CORO2B: variants seen among roughly 807,000 people sequenced by gnomAD.
The protein encoded by CORO2B is coronin-2B.
CORO2B carries 26 observed loss-of-function variants against 58.8 expected under a neutral mutation model. The ratio of observed to expected loss-of-function variants is 0.44; its 90% CI spans 0.32 to 0.61. CORO2B has a LOEUF of 0.61. Ranked by LOEUF, CORO2B falls within the 20% of genes least tolerant of loss-of-function variation. The pLI is 0.04. For synonymous variants in CORO2B, 242 were observed against 253.8 expected (o/e 0.95, Z 0.44); for missense variants, 460 against 645.1 (o/e 0.71, Z 3.11).
At chr15:68,570,038 G>T in the CORO2B span, among the ~76,000 whole-genome samples, 1 of 152,208 alleles carries the variant, frequency 6.6e-6, no homozygotes. Context: ...GTACTCTGGT[G>T]GGTCAGCTGG....
At chr15:68,523,590 T>C in the CORO2B span, among the ~76,000 whole-genome samples, 28 of 152,338 alleles carry the variant, frequency 1.8e-4, no homozygotes, top group Non-Finnish European at 3.2e-4. Context: ...CAGCCAAGAA[T>C]TGACAAATAC....
intron 1 of CORO2B, among the ~76,000 whole-genome samples, chr15:68,614,154 C>G (rs1900301899): frequency 1.3e-5 from 2 of 152,344 alleles, no homozygotes; most frequent in South Asian, 4.1e-4. Context: ...ATATATGTCT[C>G]TGTGCCAGGG....
At chr15:68,550,534 C>A in the CORO2B span, among the ~76,000 whole-genome samples, 2 of 152,238 alleles carry the variant, frequency 1.3e-5, no homozygotes, top group Admixed American at 1.3e-4. Context: ...CTCTTATGGT[C>A]GATTGTAAAG....
chr15:68,686,223 A>AC (rs1555416516), intron 2 of CORO2B, among the ~76,000 whole-genome samples: 13 of 151,114 alleles, frequency 8.6e-5, no homozygotes, highest in Admixed American at 5.3e-4. Context: ...TTTGGTAGAG[A>AC]GGGGGTTCTG....
At chr15:68,560,563 T>C in the CORO2B span, among the ~76,000 whole-genome samples, 13 of 152,280 alleles carry the variant, frequency 8.5e-5, no homozygotes, top group Middle Eastern at 3.4e-3. Context: ...TTTCCCAAAG[T>C]GTTAGGATGA....
intron 2 of CORO2B, among the ~76,000 whole-genome samples, chr15:68,683,631 C>T (rs750566966): frequency 2.0e-5 from 3 of 152,168 alleles, no homozygotes; most frequent in Non-Finnish European, 2.9e-5. Flanking sequence ...CCTCACCTTC[C>T]CTCTGCAGTA....
chr15:68,606,148 A>G (rs748085512), intron 1 of CORO2B, among the ~76,000 whole-genome samples: 1 of 152,154 alleles, frequency 6.6e-6, no homozygotes, highest in Non-Finnish European at 1.5e-5. Flanking sequence ...TGTTAGGTCA[A>G]AGGTGACTGC....
intron 8 of CORO2B, among the ~76,000 whole-genome samples, chr15:68,717,435 G>A (rs1893057932): frequency 6.6e-6 from 1 of 152,188 alleles, no homozygotes; most frequent in South Asian, 2.1e-4. Context: ...AATAATAGGT[G>A]GGGAGAAGGA....
intron 2 of CORO2B, among the ~76,000 whole-genome samples, chr15:68,669,745 G>A (rs774815181): frequency 6.6e-6 from 1 of 152,066 alleles, no homozygotes; most frequent in Non-Finnish European, 1.5e-5. Context: ...TTTTCTTGGA[G>A]AAATAAACCA....
At chr15:68,681,776 C>T (rs1026453866) in intron 2 of CORO2B, among the ~76,000 whole-genome samples, 1 of 152,156 alleles carries the variant, frequency 6.6e-6, no homozygotes, top group African/African-American at 2.4e-5. Flanking sequence ...GCCCAAATCT[C>T]TGTCTCTAGG....
chr15:68,533,261 T>C, the CORO2B span, among the ~76,000 whole-genome samples: 1 of 152,344 alleles, frequency 6.6e-6, no homozygotes, highest in African/African-American at 2.4e-5. Flanking sequence ...TATATTTCAA[T>C]CTGTTTGCTA....
intron 2 of CORO2B, among the ~76,000 whole-genome samples, chr15:68,680,498 C>T (rs1165339769): frequency 1.3e-5 from 2 of 152,258 alleles, no homozygotes; most frequent in African/African-American, 4.8e-5. Flanking sequence ...AAATGGTACC[C>T]CCTTGAGTTG....
the CORO2B span, among the ~76,000 whole-genome samples, chr15:68,554,358 G>C: frequency 6.6e-6 from 1 of 152,036 alleles, no homozygotes; most frequent in East Asian, 1.9e-4. Context: ...TCTGCTGAGG[G>C]CCCAAGCAAA....
At chr15:68,525,445 A>G in the CORO2B span, among the ~76,000 whole-genome samples, 3 of 152,238 alleles carry the variant, frequency 2.0e-5, no homozygotes, top group Admixed American at 2.0e-4. Context: ...ATTCTGGGTC[A>G]TGGGAGGACT....
chr15:68,567,932 T>C, the CORO2B span, among the ~76,000 whole-genome samples: 1 of 152,166 alleles, frequency 6.6e-6, no homozygotes, highest in Non-Finnish European at 1.5e-5. Flanking sequence ...AGGCAGAGTA[T>C]TGCTTGAACC....
the CORO2B span, among the ~76,000 whole-genome samples, chr15:68,559,832 G>C: frequency 6.6e-6 from 1 of 152,162 alleles, no homozygotes; most frequent in Non-Finnish European, 1.5e-5. The surrounding 1 kb of genome is among the most constrained non-coding windows in gnomAD (Gnocchi z 4.3). Context: ...GGACCAGCAG[G>C]TCTCCCGCAA....
intron 2 of CORO2B, among the ~76,000 whole-genome samples, chr15:68,658,248 A>G (rs1288632721): frequency 6.6e-6 from 1 of 152,232 alleles, no homozygotes; most frequent in African/African-American, 2.4e-5. Flanking sequence ...GGAGCCCTGG[A>G]CCAGGGAGAG....
At chr15:68,532,642 A>C in the CORO2B span, among the ~76,000 whole-genome samples, 145,377 of 152,310 alleles carry the variant, frequency 0.95, 69,447 homozygotes, top group East Asian at 1. Context: ...TGATTTTTCT[A>C]CTAGTTTTGA....
intron 2 of CORO2B, among the ~76,000 whole-genome samples, chr15:68,694,377 G>A (rs1393864627): frequency 6.6e-6 from 1 of 152,178 alleles, no homozygotes; most frequent in Non-Finnish European, 1.5e-5. Context: ...TCTCATTTTA[G>A]AGAGGGGAAA....
Sources: allele counts gnomAD v4.1 joint callset (sites outside exome capture counted in the v4.1 genomes callset), GRCh38; gene constraint gnomAD v4.1.1; non-coding constraint Gnocchi (gnomAD v3.1); transcripts MANE v1.5; gene names NCBI Gene and HGNC (gene_info 2026-07-23, HGNC 2026-07-21).